TMTC2: variants seen among roughly 807,000 people sequenced by gnomAD.
The protein encoded by TMTC2 is protein O-mannosyl-transferase TMTC2.
TMTC2 carries 43 observed loss-of-function variants against 82.4 expected under a neutral mutation model. That is an observed-to-expected ratio of 0.52 (90% CI 0.41 to 0.67). The LOEUF (loss-of-function observed/expected upper bound fraction) is 0.67. Among genes scored for constraint, TMTC2 ranks in the 30% least tolerant of loss-of-function variants. TMTC2 has a pLI of 0.00. For missense variants in TMTC2, 919 were observed against 1,012.4 expected (o/e 0.91, Z 1.25); for synonymous variants, 408 against 381.9 (o/e 1.07, Z -0.80).
At chr12:82,769,664 G>A (rs1391065112) in intron 1 of TMTC2, among the ~76,000 whole-genome samples, 1 of 152,128 alleles carries the variant, frequency 6.6e-6, no homozygotes, top group African/African-American at 2.4e-5. Flanking sequence ...AGGCTGGAGT[G>A]CAGTGGCGCC....
intron 2 of TMTC2, among the ~76,000 whole-genome samples, chr12:82,893,500 A>G (rs1873505532): frequency 6.6e-6 from 1 of 152,216 alleles, no homozygotes. Context: ...AACATTTGAC[A>G]AGGATGTTTT....
chr12:82,689,673 G>T (rs1872493654), intron 1 of TMTC2, among the ~76,000 whole-genome samples: 1 of 152,182 alleles, frequency 6.6e-6, no homozygotes, highest in African/African-American at 2.4e-5. Flanking sequence ...TTGTAACTTG[G>T]AAGAATGGTG....
At chr12:82,960,829 T>TA (rs34471312) in intron 4 of TMTC2, among the ~76,000 whole-genome samples, 4 of 151,730 alleles carry the variant, frequency 2.6e-5, no homozygotes, top group Non-Finnish European at 5.9e-5. Flanking sequence ...TTTTTTAATT[T>TA]AAAAAAAATG....
At chr12:83,024,165 A>G (rs1881060282) in intron 8 of TMTC2, among the ~76,000 whole-genome samples, 1 of 152,212 alleles carries the variant, frequency 6.6e-6, no homozygotes, top group South Asian at 2.1e-4. Flanking sequence ...CCACCTCAAC[A>G]CACTCTGACT....
chr12:82,851,125 G>A (rs1209739152), intron 1 of TMTC2, among the ~76,000 whole-genome samples: 5 of 151,350 alleles, frequency 3.3e-5, no homozygotes, highest in Non-Finnish European at 7.4e-5. Flanking sequence ...TGGTGTTGAT[G>A]ATGATAATAA....
intron 4 of TMTC2, among the ~76,000 whole-genome samples, chr12:82,948,662 GA>G: frequency 6.6e-6 from 1 of 152,210 alleles, no homozygotes; most frequent in African/African-American, 2.4e-5. Flanking sequence ...GCTGTTAAGG[GA>G]CAAAGAAAAC....
At chr12:82,949,500 A>G (rs1313800994) in intron 4 of TMTC2, among the ~76,000 whole-genome samples, 3 of 152,184 alleles carry the variant, frequency 2.0e-5, no homozygotes, top group African/African-American at 4.8e-5. Context: ...AAATTAAATT[A>G]TCTGGCAACC....
chr12:83,076,362 T>C (rs1883282892), intron 11 of TMTC2, among the ~76,000 whole-genome samples: 1 of 152,222 alleles, frequency 6.6e-6, no homozygotes, highest in African/African-American at 2.4e-5. Flanking sequence ...AAATTTCACT[T>C]AATTATGTTC....
At chr12:82,760,164 T>G (rs1321583509) in intron 1 of TMTC2, 1 of 88,592 alleles carries the variant, frequency 1.1e-5, no homozygotes, top group Non-Finnish European at 2.4e-5. Context: ...CTAACTTACA[T>G]AAAGAAAATA....
intron 7 of TMTC2, among the ~76,000 whole-genome samples, chr12:82,977,751 TATA>T (rs1164815442): frequency 1.3e-5 from 2 of 151,928 alleles, no homozygotes; most frequent in African/African-American, 2.4e-5. Flanking sequence ...ATTTTGAGGT[TATA>T]ATAAGAGTTG....
chr12:82,719,742 G>T (rs1359356178), intron 1 of TMTC2, among the ~76,000 whole-genome samples: 2 of 142,056 alleles, frequency 1.4e-5, no homozygotes, highest in Non-Finnish European at 1.5e-5. Flanking sequence ...AGTAACCTTG[G>T]ATACATCTTC....
chr12:82,721,044 A>T (rs1482040253), intron 1 of TMTC2, among the ~76,000 whole-genome samples: 1 of 152,218 alleles, frequency 6.6e-6, no homozygotes. Context: ...TCAAGAAAGG[A>T]TTTACAAATA....
At chr12:82,850,785 G>T (rs901981257) in intron 1 of TMTC2, among the ~76,000 whole-genome samples, 21 of 152,306 alleles carry the variant, frequency 1.4e-4, no homozygotes, top group South Asian at 4.1e-4. Flanking sequence ...AACACAGTGG[G>T]CAGGGCACAG....
At chr12:83,100,652 A>C (rs888937776) in intron 11 of TMTC2, among the ~76,000 whole-genome samples, 2 of 152,058 alleles carry the variant, frequency 1.3e-5, no homozygotes, top group African/African-American at 2.4e-5. Context: ...AGCAGAAATG[A>C]TCTGTCTGAT....
chr12:82,805,075 T>C (rs773825169), intron 1 of TMTC2, among the ~76,000 whole-genome samples: 4 of 152,126 alleles, frequency 2.6e-5, no homozygotes, highest in South Asian at 2.1e-4. Flanking sequence ...CTGGTTTCCA[T>C]TGGCTGGAAC....
At chr12:82,849,082 T>C (rs1662936216) in intron 1 of TMTC2, among the ~76,000 whole-genome samples, 1 of 152,046 alleles carries the variant, frequency 6.6e-6, no homozygotes, top group African/African-American at 2.4e-5. Flanking sequence ...GAAGGTTGTT[T>C]ATTATGGTAA....
At chr12:83,005,220 AAAAAG>A (rs150812335) in intron 8 of TMTC2, among the ~76,000 whole-genome samples, 79,268 of 119,650 alleles carry the variant, frequency 0.66, 25,226 homozygotes, top group East Asian at 0.85. Flanking sequence ...AAAAAAAAAA[AAAAAG>A]GGGAGAGAGA....
chr12:82,963,942 GAC>G (rs1479314252), intron 4 of TMTC2, among the ~76,000 whole-genome samples: 2 of 148,768 alleles, frequency 1.3e-5, no homozygotes, highest in African/African-American at 4.9e-5. Context: ...ATATGCTTTT[GAC>G]ACAAGTGAGC....
chr12:82,696,269 T>G (rs540775238), intron 1 of TMTC2, among the ~76,000 whole-genome samples: 1 of 152,336 alleles, frequency 6.6e-6, no homozygotes, highest in South Asian at 2.1e-4. Flanking sequence ...GAAAAACTGG[T>G]ATACCTGAAT....
Sources: gnomAD v4.1 joint callset for allele counts (sites outside exome capture counted in the v4.1 genomes callset) on GRCh38, gnomAD v4.1.1 for gene constraint, MANE v1.5 for transcripts, NCBI Gene and HGNC (gene_info 2026-07-23, HGNC 2026-07-21) for gene names.